Variants in MSRB3 observed in about 807,000 individuals in gnomAD.
MSRB3 encodes methionine sulfoxide reductase B3.
In MSRB3, 13 loss-of-function variants were observed where a neutral mutation model predicts 21.0. The ratio of observed to expected loss-of-function variants is 0.62; its 90% CI spans 0.40 to 0.98. MSRB3 has a LOEUF of 0.98. Ranked by LOEUF, MSRB3 falls within the 50% of genes least tolerant of loss-of-function variation. The pLI is 0.00. For missense variants in MSRB3, 199 were observed against 230.3 expected (o/e 0.86, Z 0.88); for synonymous variants, 87 against 88.6 (o/e 0.98, Z 0.10).
chr12:65,288,462 A>G (rs1388236369), intron 1 of MSRB3, among the ~76,000 whole-genome samples: 1 of 152,202 alleles, frequency 6.6e-6, no homozygotes, highest in African/African-American at 2.4e-5. Context: ...GCGATTCACT[A>G]TAAGTGTTAC....
intron 1 of MSRB3, among the ~76,000 whole-genome samples, chr12:65,305,774 A>G (rs1462044909): frequency 2.0e-5 from 3 of 152,078 alleles, no homozygotes; most frequent in Non-Finnish European, 4.4e-5. Context: ...GTTTGTTTTC[A>G]TTAGAATAAT....
At chr12:65,337,152 A>G (rs1875818777) in intron 4 of MSRB3, among the ~76,000 whole-genome samples, 1 of 152,172 alleles carries the variant, frequency 6.6e-6, no homozygotes, top group South Asian at 2.1e-4. Context: ...CTGAGGCAGG[A>G]GAATGGCGTG....
intron 5 of MSRB3, among the ~76,000 whole-genome samples, chr12:65,425,541 A>G (rs530157383): frequency 2.0e-5 from 3 of 152,132 alleles, no homozygotes; most frequent in Admixed American, 1.3e-4. Flanking sequence ...TTTTATGACT[A>G]CTATGAGACT....
At chr12:65,428,235 A>G (rs1054989469) in intron 5 of MSRB3, among the ~76,000 whole-genome samples, 11 of 152,110 alleles carry the variant, frequency 7.2e-5, no homozygotes, top group Non-Finnish European at 1.2e-4. Context: ...AACCTCTGCT[A>G]TTCTTCTTTG....
At chr12:65,405,373 T>G (rs764586147) in intron 5 of MSRB3, among the ~76,000 whole-genome samples, 7 of 152,024 alleles carry the variant, frequency 4.6e-5, no homozygotes, top group Non-Finnish European at 1.0e-4. Context: ...TATGTTGTTG[T>G]CCCTAATGAC....
Position 65,466,241 on chromosome 12 carries a change from A to G in MSRB3, c.*2919A>G, listed in dbSNP as rs1883568680. 6.6e-6 allele frequency: 1 copy of G among 152,190 alleles called. No homozygotes were observed. Among genetic ancestry groups the G allele is most frequent in the South Asian group, 2.1e-4 (1 of 4,832 alleles). 9.4% of individuals were successfully genotyped at this position (152,190 alleles called of 1,614,324 possible). ...TATTGAAAAAAAGTGGGGTGTATGC[A>G]TGTGGTTTAATTCCAGATTGCTTTT... On this transcript the variant is annotated 3_prime_UTR_variant, in exon 7 of 7. Coordinates refer to ENST00000308259, the MANE Select transcript of MSRB3 (RefSeq NM_001031679.3).
At chr12:65,462,429 C>T (rs1883371513) in intron 6 of MSRB3, among the ~76,000 whole-genome samples, 3 of 152,204 alleles carry the variant, frequency 2.0e-5, no homozygotes, top group Admixed American at 6.5e-5. Flanking sequence ...CCTTAGGTCT[C>T]TTCTTCCCCA....
intron 5 of MSRB3, among the ~76,000 whole-genome samples, chr12:65,373,252 G>T (rs1316021347): frequency 1.3e-5 from 2 of 152,118 alleles, no homozygotes; most frequent in African/African-American, 4.8e-5. Flanking sequence ...TAAGGATATA[G>T]GTGGAATTTA....
At chr12:65,345,962 A>G (rs1303060396) in intron 4 of MSRB3, among the ~76,000 whole-genome samples, 4 of 152,156 alleles carry the variant, frequency 2.6e-5, no homozygotes, top group Non-Finnish European at 1.5e-5. Flanking sequence ...TATGTGCCAC[A>G]TCTTGTTAAT....
intron 5 of MSRB3, among the ~76,000 whole-genome samples, chr12:65,426,227 C>A (rs1881593683): frequency 6.6e-6 from 1 of 152,072 alleles, no homozygotes; most frequent in Admixed American, 6.6e-5. Flanking sequence ...TTTAACATTT[C>A]TTTTAAGAGG....
chr12:65,435,785 G>T (rs953393553), intron 5 of MSRB3, among the ~76,000 whole-genome samples: 1 of 151,848 alleles, frequency 6.6e-6, no homozygotes, highest in Non-Finnish European at 1.5e-5. Flanking sequence ...ATTTATCAAA[G>T]TAGCAATAAA....
Position 65,461,648 on chromosome 12 carries a change from T to C in MSRB3, c.391-1507T>C, listed in dbSNP as rs77142899. ...GAAACTAAGATTCTAGTGCTTTTCA[T>C]TGTAATGAGCACTTTCTCTCATTTT... On this transcript the variant is annotated intron_variant, in intron 6 of 6. Transcript: ENST00000308259. 2.2e-3 allele frequency among the ~76,000 whole-genome samples: 339 copies of C among 152,316 alleles called. 2 individuals are homozygous for C. The highest frequency in any genetic ancestry group is 7.6e-3 in the African/African-American group (314 of 41,566).
At position 65,380,221 on chromosome 12, in the gene MSRB3, A is replaced by C. The variant is rs188675963; in HGVS notation, c.292+11195A>C. ...TAGAGGGCCCCTTAAGGTCAGGCAC[A>C]GAGACGTAATTGCTAAATGTATTTG... On this transcript the variant is annotated intron_variant, in intron 5 of 6. Coordinates refer to ENST00000308259, the MANE Select transcript of MSRB3 (RefSeq NM_001031679.3). 3.3e-3 allele frequency among the ~76,000 whole-genome samples: 501 copies of C among 152,322 alleles called. 5 individuals carry two copies. Among genetic ancestry groups the C allele is most frequent in the African/African-American group, 0.011 (465 of 41,574 alleles).
intron 5 of MSRB3, among the ~76,000 whole-genome samples, chr12:65,424,282 G>C (rs1449134782): frequency 2.0e-5 from 3 of 150,356 alleles, no homozygotes; most frequent in Non-Finnish European, 4.4e-5. Context: ...TGGTTTCATT[G>C]AACTTTTCTT....
chr12:65,295,969 G>A (rs1471152092), intron 1 of MSRB3, among the ~76,000 whole-genome samples: 1 of 152,092 alleles, frequency 6.6e-6, no homozygotes, highest in African/African-American at 2.4e-5. Context: ...AAGCAATATT[G>A]GCAGTTTTAG....
intron 4 of MSRB3, among the ~76,000 whole-genome samples, chr12:65,348,082 G>C (rs1445226194): frequency 6.6e-6 from 1 of 152,152 alleles, no homozygotes. Flanking sequence ...TTTGGTATCA[G>C]GATGATGCTG....
intron 5 of MSRB3, among the ~76,000 whole-genome samples, chr12:65,417,497 G>A (rs112890272): frequency 2.0e-4 from 30 of 152,052 alleles, no homozygotes; most frequent in African/African-American, 4.6e-4. Flanking sequence ...TATTATTTTG[G>A]TGAAAATACT....
chr12:65,313,924 C>G (rs183392645), intron 2 of MSRB3, among the ~76,000 whole-genome samples: 133 of 152,256 alleles, frequency 8.7e-4, no homozygotes, highest in African/African-American at 2.9e-3. Context: ...GGTTTACATT[C>G]TTTCATAGCA....
At chr12:65,330,682 A>G (rs1297164247) in intron 4 of MSRB3, among the ~76,000 whole-genome samples, 1 of 152,174 alleles carries the variant, frequency 6.6e-6, no homozygotes, top group Non-Finnish European at 1.5e-5. Flanking sequence ...GCCCTGGGGT[A>G]CAATCTCCAG....
Sources: allele counts gnomAD v4.1 joint callset (sites outside exome capture counted in the v4.1 genomes callset), GRCh38; gene constraint gnomAD v4.1.1; transcripts MANE v1.5; gene names NCBI Gene and HGNC (gene_info 2026-07-23, HGNC 2026-07-21).